The following NT5DC3 variants were observed in gnomAD, a reference collection of about 807,000 sequenced individuals.
The protein encoded by NT5DC3 is 5'-nucleotidase domain-containing protein 3.
Under a neutral mutation model 67.8 loss-of-function variants are expected in NT5DC3, and 42 were observed. The observed-to-expected ratio is 0.62, with a 90% CI of 0.48 to 0.80. The LOEUF (loss-of-function observed/expected upper bound fraction) is 0.80. Ranked by LOEUF, NT5DC3 falls within the 30% of genes least tolerant of loss-of-function variation. The probability of loss-of-function intolerance (pLI) is 0.00; values close to 1 mark genes in which losing one functional copy is unlikely to be tolerated. For missense variants in NT5DC3, 570 were observed against 696.4 expected (o/e 0.82, Z 2.04); for synonymous variants, 237 against 255.6 (o/e 0.93, Z 0.69).
chr12:103,758,314 G>T, the NT5DC3 span: 1 of 1,610,698 alleles, frequency 6.2e-7, no homozygotes. Context: ...TGGTGCCTTT[G>T]CTTTAGACTA....
downstream of NT5DC3, among the ~76,000 whole-genome samples, chr12:103,769,347 A>C (rs1402072416): frequency 6.6e-6 from 1 of 152,194 alleles, no homozygotes; most frequent in East Asian, 1.9e-4. Context: ...GCAGGCCCTC[A>C]GCATGGGGTG....
At chr12:103,765,956 T>A, downstream of NT5DC3, 1 of 428,424 alleles carries the variant, frequency 2.3e-6, no homozygotes, top group South Asian at 2.0e-5. Flanking sequence ...TGTGAGGTGC[T>A]TATACCTTGC....
chr12:103,810,011 A>G (rs549610591), intron 2 of NT5DC3, among the ~76,000 whole-genome samples: 1 of 152,190 alleles, frequency 6.6e-6, no homozygotes, highest in Non-Finnish European at 1.5e-5. Context: ...TCCTTTTGGA[A>G]TTGCAAAGGA....
chr12:103,749,052 A>G, the NT5DC3 span: 1 of 1,614,134 alleles, frequency 6.2e-7, no homozygotes, highest in African/African-American at 1.3e-5. Flanking sequence ...CAGCTGCCAG[A>G]AGGGATACAA....
intron 9 of NT5DC3, among the ~76,000 whole-genome samples, chr12:103,790,192 C>A (rs1351126103): frequency 6.6e-6 from 1 of 152,162 alleles, no homozygotes; most frequent in Non-Finnish European, 1.5e-5. Context: ...ACAGTCTTGA[C>A]CTCCTGGGTT....
At chr12:103,816,741 G>T (rs906426859) in intron 1 of NT5DC3, among the ~76,000 whole-genome samples, 3 of 152,026 alleles carry the variant, frequency 2.0e-5, no homozygotes, top group Non-Finnish European at 2.9e-5. Context: ...TTTATTATTA[G>T]AATTATTTCA....
At chr12:103,761,460 A>C in the NT5DC3 span, 7 of 1,517,652 alleles carry the variant, frequency 4.6e-6, no homozygotes, top group Non-Finnish European at 9.1e-7. Flanking sequence ...CCCGGTGCCC[A>C]CTCACCAACA....
At chr12:103,764,780 T>C in the NT5DC3 span, among the ~76,000 whole-genome samples, 2 of 152,150 alleles carry the variant, frequency 1.3e-5, no homozygotes, top group South Asian at 4.1e-4. Context: ...CAAACCCATG[T>C]AAAGGCTTCT....
At chr12:103,751,408 T>A in the NT5DC3 span, among the ~76,000 whole-genome samples, 1 of 151,980 alleles carries the variant, frequency 6.6e-6, no homozygotes, top group African/African-American at 2.4e-5. Context: ...GAACTAACAA[T>A]GGACACAGAA....
At chr12:103,807,451 G>C (rs552855115) in intron 2 of NT5DC3, among the ~76,000 whole-genome samples, 8 of 152,134 alleles carry the variant, frequency 5.3e-5, no homozygotes. Flanking sequence ...CAGGTTTCAC[G>C]GAGAGCCTTA....
intron 12 of NT5DC3, among the ~76,000 whole-genome samples, chr12:103,784,873 G>A (rs1885699750): frequency 6.6e-6 from 1 of 152,190 alleles, no homozygotes; most frequent in Non-Finnish European, 1.5e-5. Flanking sequence ...AATCAACTGA[G>A]GCTGGACCCA....
At chr12:103,796,149 A>T (rs1886304113) in intron 6 of NT5DC3, among the ~76,000 whole-genome samples, 1 of 152,220 alleles carries the variant, frequency 6.6e-6, no homozygotes, top group Non-Finnish European at 1.5e-5. Flanking sequence ...AGGCAAAGGA[A>T]AAAGGCATCC....
chr12:103,791,598 T>C (rs1021385756), intron 9 of NT5DC3, among the ~76,000 whole-genome samples: 1 of 152,248 alleles, frequency 6.6e-6, no homozygotes, highest in East Asian at 1.9e-4. Context: ...CACACCTAGG[T>C]AGAACATCCC....
the NT5DC3 span, among the ~76,000 whole-genome samples, chr12:103,756,515 T>G: frequency 6.6e-6 from 1 of 152,212 alleles, no homozygotes; most frequent in South Asian, 2.1e-4. Flanking sequence ...CTCCTGCAAC[T>G]GTATAAGGCC....
intron 5 of NT5DC3, 146 bp from the exon 6 acceptor site, chr12:103,797,177 A>C: frequency 1.2e-6 from 1 of 859,944 alleles, no homozygotes; most frequent in Non-Finnish European, 1.8e-6. Context: ...TAATAATAAA[A>C]AAGGACAATG....
intron 1 of NT5DC3, 97 bp downstream of exon 1, chr12:103,840,852 C>T (rs1162064383): frequency 1.8e-6 from 1 of 567,530 alleles, no homozygotes; most frequent in Non-Finnish European, 2.6e-6. Flanking sequence ...CCCTGGAGGT[C>T]CGCAGCTGGG....
the NT5DC3 span, chr12:103,761,554 C>T: frequency 7.5e-5 from 50 of 663,046 alleles, no homozygotes; most frequent in South Asian, 9.4e-4. Flanking sequence ...TCCAAGGTAG[C>T]TGGCCAGGAC....
intron 4 of NT5DC3, among the ~76,000 whole-genome samples, chr12:103,799,669 A>AG: frequency 6.6e-6 from 1 of 152,320 alleles, no homozygotes. Context: ...CCGTGACATG[A>AG]GGCAGGAAGC....
chr12:103,788,722 T>C (rs1365662433), intron 10 of NT5DC3, 116 bp downstream of exon 10: 9 of 735,536 alleles, frequency 1.2e-5, no homozygotes, highest in African/African-American at 3.5e-5. Flanking sequence ...AATCAGTTCA[T>C]GGGAATCACT....
Sources: allele counts gnomAD v4.1 joint callset (sites outside exome capture counted in the v4.1 genomes callset), GRCh38; gene constraint gnomAD v4.1.1; transcripts MANE v1.5; gene names NCBI Gene and HGNC (gene_info 2026-07-23, HGNC 2026-07-21).